Variants in EPB41L4A observed in about 807,000 individuals in gnomAD.
The protein encoded by EPB41L4A is erythrocyte membrane protein band 4.1 like 4A.
EPB41L4A carries 100 observed loss-of-function variants against 108.6 expected under a neutral mutation model. The observed-to-expected ratio is 0.92, with a 90% CI of 0.78 to 1.09. EPB41L4A has a LOEUF of 1.09. EPB41L4A is among the 50% of genes least tolerant of loss of function. The pLI is 0.00. For missense variants in EPB41L4A, 1,030 were observed against 842.7 expected (o/e 1.22, Z -2.75); for synonymous variants, 319 against 289.0 (o/e 1.10, Z -1.05).
At chr5:112,231,576 G>A (rs944218014) in intron 12 of EPB41L4A, among the ~76,000 whole-genome samples, 3 of 151,338 alleles carry the variant, frequency 2.0e-5, no homozygotes, top group African/African-American at 7.3e-5. Flanking sequence ...ATGAGGTCAG[G>A]AGATCGAGAC....
chr5:112,185,842 G>C (rs768959954), intron 17 of EPB41L4A, among the ~76,000 whole-genome samples: 2 of 152,108 alleles, frequency 1.3e-5, no homozygotes, highest in African/African-American at 2.4e-5. Context: ...TGGTACCCGT[G>C]TGTGCTGTAA....
intron 6 of EPB41L4A, chr5:112,264,278 T>C (rs578260635): frequency 6.6e-6 from 1 of 152,336 alleles, no homozygotes; most frequent in South Asian, 2.1e-4. Flanking sequence ...AAAATCCTAC[T>C]AGGGGAGCGT....
chr5:112,271,974 A>C (rs1394583634), intron 4 of EPB41L4A, among the ~76,000 whole-genome samples: 10 of 152,146 alleles, frequency 6.6e-5, no homozygotes, highest in Non-Finnish European at 4.4e-5. Context: ...GGGGACTCCA[A>C]GTTGATGATT....
intron 12 of EPB41L4A, among the ~76,000 whole-genome samples, chr5:112,153,086 T>C (rs947070310): frequency 1.3e-5 from 2 of 149,376 alleles, no homozygotes; most frequent in Non-Finnish European, 3.0e-5. Context: ...TGGCATGGTG[T>C]TGTGGGCCTG....
intron 9 of EPB41L4A, among the ~76,000 whole-genome samples, chr5:112,253,135 A>T (rs1360872167): frequency 1.3e-5 from 2 of 152,180 alleles, no homozygotes; most frequent in East Asian, 3.9e-4. Flanking sequence ...CTCCCCACAG[A>T]CTACTTATTA....
intron 18 of EPB41L4A, among the ~76,000 whole-genome samples, chr5:112,177,957 T>C (rs1185812586): frequency 4.6e-5 from 7 of 151,816 alleles, no homozygotes; most frequent in Admixed American, 4.6e-4. Context: ...AGATGGTAGA[T>C]TTATATCGCA....
intron 13 of EPB41L4A, 44 bp downstream of exon 13, chr5:112,209,848 A>T: frequency 8.0e-7 from 1 of 1,243,692 alleles, no homozygotes; most frequent in Non-Finnish European, 1.2e-6. Flanking sequence ...AAGCATTTTT[A>T]CAACAGCATA....
chr5:112,224,192 C>T (rs936947831), intron 12 of EPB41L4A, among the ~76,000 whole-genome samples: 6 of 152,130 alleles, frequency 3.9e-5, no homozygotes, highest in Non-Finnish European at 2.9e-5. Context: ...CCTTGTGATC[C>T]ACCCACCTCA....
At chr5:112,351,878 C>G (rs1052751279) in intron 1 of EPB41L4A, among the ~76,000 whole-genome samples, 1 of 152,126 alleles carries the variant, frequency 6.6e-6, no homozygotes, top group South Asian at 2.1e-4. Flanking sequence ...GTTCCATCAA[C>G]AGAATGAAAG....
At chr5:112,259,423 C>G (rs2150436486) in intron 8 of EPB41L4A, 131 bp from the exon 9 acceptor site, 1 of 700,718 alleles carries the variant, frequency 1.4e-6, no homozygotes, top group East Asian at 2.6e-5. Context: ...CCAGTACATA[C>G]AGCGACAGAG....
At chr5:112,365,476 A>T (rs1759063596) in intron 1 of EPB41L4A, among the ~76,000 whole-genome samples, 1 of 151,990 alleles carries the variant, frequency 6.6e-6, no homozygotes, top group South Asian at 2.1e-4. Context: ...CTAAAGACTG[A>T]TTTTTTTTAA....
intron 1 of EPB41L4A, among the ~76,000 whole-genome samples, chr5:112,342,618 G>GAGCAGTC (rs1416157630): frequency 1.4e-4 from 22 of 152,166 alleles, no homozygotes; most frequent in African/African-American, 4.8e-4. Flanking sequence ...AGTCGAGCAA[G>GAGCAGTC]AGCAGTCAGC....
At chr5:112,174,195 GC>G (rs1760747679) in intron 18 of EPB41L4A, among the ~76,000 whole-genome samples, 1 of 152,200 alleles carries the variant, frequency 6.6e-6, no homozygotes, top group South Asian at 2.1e-4. Flanking sequence ...GTCAACACAA[GC>G]TGCATGTTAA....
intron 1 of EPB41L4A, among the ~76,000 whole-genome samples, chr5:112,355,316 G>C (rs1029112929): frequency 3.9e-5 from 6 of 152,200 alleles, no homozygotes; most frequent in Non-Finnish European, 7.3e-5. Context: ...AAGGGTTTCA[G>C]ATGAATCCAC....
At chr5:112,285,092 T>G (rs1753202284) in intron 2 of EPB41L4A, among the ~76,000 whole-genome samples, 1 of 152,156 alleles carries the variant, frequency 6.6e-6, no homozygotes, top group African/African-American at 2.4e-5. Flanking sequence ...AAAAAATTTT[T>G]AAAAAGAAAG....
intron 1 of EPB41L4A, among the ~76,000 whole-genome samples, chr5:112,381,871 G>A (rs972670891): frequency 2.6e-5 from 4 of 152,238 alleles, no homozygotes; most frequent in Admixed American, 6.5e-5. Context: ...TGAGGAGGGG[G>A]CTCCTCCCAA....
intron 1 of EPB41L4A, among the ~76,000 whole-genome samples, chr5:112,332,928 T>C (rs1756660438): frequency 6.6e-6 from 1 of 152,180 alleles, no homozygotes; most frequent in Non-Finnish European, 1.5e-5. Context: ...GTGCCCAAGG[T>C]TTGCAGAAAG....
At chr5:112,274,129 T>C (rs1234847175) in intron 4 of EPB41L4A, among the ~76,000 whole-genome samples, 1 of 149,586 alleles carries the variant, frequency 6.7e-6, no homozygotes, top group Non-Finnish European at 1.5e-5. Context: ...AAAAAAAAAG[T>C]ATTAGCTAGG....
At chr5:112,181,463 T>A (rs1057440058) in intron 18 of EPB41L4A, among the ~76,000 whole-genome samples, 15 of 150,500 alleles carry the variant, frequency 1.0e-4, no homozygotes, top group African/African-American at 2.7e-4. Flanking sequence ...AAAAAAAAAA[T>A]AAATAAACAC....
Sources: gnomAD v4.1 joint callset for allele counts (sites outside exome capture counted in the v4.1 genomes callset) on GRCh38, gnomAD v4.1.1 for gene constraint, MANE v1.5 for transcripts, NCBI Gene and HGNC (gene_info 2026-07-23, HGNC 2026-07-21) for gene names.